Variants in SORL1 observed in about 807,000 individuals in gnomAD.
SORL1 encodes sortilin related receptor 1.
Under a neutral mutation model 273.7 loss-of-function variants are expected in SORL1, and 127 were observed. That is an observed-to-expected ratio of 0.46 (90% CI 0.40 to 0.54). SORL1 has a LOEUF of 0.54. SORL1 is among the 20% of genes least tolerant of loss of function. The pLI is 0.00. For missense variants in SORL1, 2,494 were observed against 2,846.1 expected, an observed-to-expected ratio of 0.88 and a Z score of 2.81; for synonymous variants, 1,031 against 1,067.4, an observed-to-expected ratio of 0.97 and a Z score of 0.66.
Position 121,520,765 on chromosome 11 carries a change from G to A in SORL1, c.1320G>A (p.Ser440=), listed in dbSNP as rs533109160. The A allele has an allele frequency of 3.2e-5, 51 of 1,612,840 alleles. No individual in the cohort carries two copies. The East Asian group carries it at 8.0e-4, about 25-fold the overall frequency. ...CTATGAATGAGGAGAACATGAGATC[G>A]GTCATCACCTTTGACAAAGGGGGAA... The part of the protein sequence containing the change: ...NGSMNEENMR[S]VITFDKGGTW... The change falls in exon 9 of 48, where the codon TCG becomes TCA. Residue 440 remains serine (S), a synonymous_variant. Coordinates refer to ENST00000260197, the MANE Select transcript of SORL1 (RefSeq NM_003105.6).
rs144585461 is a variant in SORL1 at position 121,520,691 on chromosome 11, C to G, written c.1246C>G (p.Arg416Gly). 5 of 1,585,814 alleles carry G rather than the reference C, an allele frequency of 3.2e-6. No homozygotes were observed. The highest frequency in any genetic ancestry group is 1.8e-5 in the Admixed American group (1 of 54,528). ...FANEPFADFH[R>G]VEGLQGVYIA... ...AAATGAACCATTTGCTGACTTCCACCGAGTGGAAGGATTGCAAGGAGTCTA... is the reference window on the plus strand; with the variant it reads ...AAATGAACCATTTGCTGACTTCCACGGAGTGGAAGGATTGCAAGGAGTCTA... Residue 416 changes from arginine (R) to glycine (G), a missense_variant, in exon 9 of 48, where the codon CGA (arginine) becomes GGA (glycine). This residue lies in a region of SORL1 where 710 missense variants were observed against 882.5 expected (regional missense o/e 0.80). Coordinates refer to ENST00000260197, the MANE Select transcript of SORL1 (RefSeq NM_003105.6).
At chr11:121,511,982 A>AG (rs1294008843) in intron 6 of SORL1, among the ~76,000 whole-genome samples, 1 of 152,198 alleles carries the variant, frequency 6.6e-6, no homozygotes, top group African/African-American at 2.4e-5. Context: ...TGTCCACATG[A>AG]GGGTATGCCT....
intron 2 of SORL1, among the ~76,000 whole-genome samples, chr11:121,475,369 A>T (rs1282948683): frequency 6.6e-6 from 1 of 152,232 alleles, no homozygotes; most frequent in Non-Finnish European, 1.5e-5. Flanking sequence ...TGAGTGGTTC[A>T]TGATGGCCTT....
At position 121,557,481 on chromosome 11, in the gene SORL1, C is replaced by T. The variant is rs560302951; in HGVS notation, c.2663+76C>T. 2.1e-4 allele frequency: 240 copies of T among 1,124,038 alleles called. 5 individuals carry two copies. In the South Asian group the frequency reaches 2.8e-3, roughly 13 times the overall value. 69.6% of individuals were successfully genotyped at this position (1,124,038 alleles called of 1,614,324 possible). On this transcript the variant is annotated intron_variant, in intron 19 of 47. Transcript: ENST00000260197. ...TAGATTCTCATGGAAACACAGACTG[C>T]GGGACAAAAACTCTGTTTCTCATGA...
chr11:121,590,512 A>G, intron 30 of SORL1: 1 of 513,470 alleles, frequency 1.9e-6, no homozygotes, highest in Non-Finnish European at 3.5e-6. Flanking sequence ...CAGAGTCAGA[A>G]TCTGCATGCT....
intron 20 of SORL1, among the ~76,000 whole-genome samples, 184 bp from the exon 21 acceptor site, chr11:121,559,335 G>T (rs1335520338): frequency 6.6e-6 from 1 of 152,186 alleles, no homozygotes; most frequent in Admixed American, 6.5e-5. Flanking sequence ...AGTTTCTTCT[G>T]TGGGGTTATA....
At chr11:121,470,698 G>T (rs1414199657) in intron 2 of SORL1, among the ~76,000 whole-genome samples, 3 of 151,000 alleles carry the variant, frequency 2.0e-5, no homozygotes, top group African/African-American at 7.3e-5. Context: ...TTTTTGAGTT[G>T]GGGTCTGGCT....
In SORL1 at chr11:121,559,666, G is replaced by C; in HGVS notation, c.3049+9G>C. 6.2e-7 allele frequency: 1 copy of C among 1,613,524 alleles called. No homozygotes were observed. Among genetic ancestry groups the C allele is most frequent in the Non-Finnish European group, 8.5e-7 (1 of 1,179,718 alleles). On this transcript the variant is annotated intron_variant, in intron 21 of 47. Coordinates refer to ENST00000260197, the MANE Select transcript of SORL1 (RefSeq NM_003105.6). ...CAAGGGGAAGAACACTGGTAAGCCA[G>C]AGTCTCTTCTTTTGTCTCTGTAGAG...
intron 38 of SORL1, chr11:121,610,577 A>G (rs1362479539): frequency 6.4e-6 from 1 of 155,190 alleles, no homozygotes; most frequent in Admixed American, 6.3e-5. Flanking sequence ...TAACTTGCCT[A>G]GGTTACACAG....
intron 6 of SORL1, among the ~76,000 whole-genome samples, chr11:121,506,640 A>G (rs762001401): frequency 1.3e-5 from 2 of 152,332 alleles, no homozygotes; most frequent in East Asian, 1.9e-4. Context: ...GACACAGCCA[A>G]ACCATATCAC....
Position 121,550,288 on chromosome 11 carries a change from T to C in SORL1, c.2180+200T>C, listed in dbSNP as rs1375777791. Among the ~76,000 whole-genome samples the C allele has an allele frequency of 2.6e-5, 4 of 152,208 alleles. No homozygotes were observed. Among genetic ancestry groups the C allele is most frequent in the Non-Finnish European group, 1.5e-5 (1 of 68,038 alleles). ...CACATTGCAAGTCTGTAAGCATCCCTGAAACTCTAGGAATATCTTAAGTCA... is the reference window on the plus strand; with the variant it reads ...CACATTGCAAGTCTGTAAGCATCCCCGAAACTCTAGGAATATCTTAAGTCA... On this transcript the variant is annotated intron_variant, in intron 15 of 47. Coordinates refer to ENST00000260197, the MANE Select transcript of SORL1 (RefSeq NM_003105.6). This position sits in a 1 kb window ranked among gnomAD's most constrained non-coding sequence, Gnocchi z 5.3.
chr11:121,543,000 AC>A (rs1429119428), intron 12 of SORL1, among the ~76,000 whole-genome samples: 2 of 147,042 alleles, frequency 1.4e-5, no homozygotes, highest in Non-Finnish European at 3.0e-5. Context: ...ACATGGTGAA[AC>A]CCCGTCTTTA....
At chr11:121,613,214 G>GA (rs1359621830) in intron 40 of SORL1, among the ~76,000 whole-genome samples, 2 of 152,228 alleles carry the variant, frequency 1.3e-5, no homozygotes, top group African/African-American at 2.4e-5. Context: ...TTGCTAATGA[G>GA]AGACAGCAGA....
chr11:121,501,591 CGGA>C (rs1565316763), intron 6 of SORL1, among the ~76,000 whole-genome samples: 7 of 152,130 alleles, frequency 4.6e-5, no homozygotes, highest in African/African-American at 1.7e-4. Flanking sequence ...ACAATCAAGG[CGGA>C]AGGTGAAGGA....
chr11:121,492,549 A>G lies in SORL1; in HGVS notation c.758+2439A>G, dbSNP rs138360566. ...TATTTGTCTTTCTCCCTTCAATAGA[A>G]TGAAAGCTTCCCAAGGGCAAGGACT... On this transcript the variant is annotated intron_variant, in intron 5 of 47. Transcript: ENST00000260197. Among the ~76,000 whole-genome samples the G allele has an allele frequency of 2.8e-3, 432 of 152,272 alleles. 1 individual carries two copies. The highest frequency in any genetic ancestry group is 9.9e-3 in the African/African-American group (413 of 41,546).
Position 121,632,626 on chromosome 11 carries a change from A to G in SORL1, c.*3063A>G, listed in dbSNP as rs1254396426. 6.6e-6 allele frequency: 1 copy of G among 151,096 alleles called. No individual in the cohort carries two copies. 9.4% of individuals were successfully genotyped at this position (151,096 alleles called of 1,614,324 possible). On this transcript the variant is annotated 3_prime_UTR_variant, in exon 48 of 48. Transcript: ENST00000260197. ...TGAAGCTGTACTCAGCAATTTAGGGAATGTAACCCTTCTCAGAACTGGCCA... is the reference window on the plus strand; with the variant it reads ...TGAAGCTGTACTCAGCAATTTAGGGGATGTAACCCTTCTCAGAACTGGCCA...
intron 26 of SORL1, among the ~76,000 whole-genome samples, chr11:121,585,414 TG>T (rs956454326): frequency 1.3e-5 from 2 of 149,196 alleles, no homozygotes; most frequent in African/African-American, 5.0e-5. Context: ...GCACGGGAGG[TG>T]GAGGCTGCAG....
intron 31 of SORL1, among the ~76,000 whole-genome samples, chr11:121,594,472 C>T (rs1376438586): frequency 6.6e-6 from 1 of 151,144 alleles, no homozygotes; most frequent in East Asian, 1.9e-4. Context: ...GAGATTTACT[C>T]AACTTTATAT....
rs765759259 is a variant in SORL1 at position 121,470,151 on chromosome 11, C to A, written c.402+28C>A. On this transcript the variant is annotated intron_variant, in intron 2 of 47. Coordinates refer to ENST00000260197, the MANE Select transcript of SORL1 (RefSeq NM_003105.6). ...AAGTGTTGTGTTGGCTCTGGGCACA[C>A]CTTGGTGCCATCAACATGCCCTTTT... 6 of 1,457,834 alleles carry A rather than the reference C, an allele frequency of 4.1e-6. No individual in the cohort carries two copies. The East Asian group carries it at 1.4e-4, about 33-fold the overall frequency. The allele number at this position is 1,457,834 out of a possible 1,614,324, so 90.3% of individuals were successfully genotyped here.
Sources: allele counts gnomAD v4.1 joint callset (sites outside exome capture counted in the v4.1 genomes callset), GRCh38; gene constraint gnomAD v4.1.1; regional missense constraint gnomAD v4.1.1; non-coding constraint Gnocchi (gnomAD v3.1); transcripts MANE v1.5; gene names NCBI Gene and HGNC (gene_info 2026-07-23, HGNC 2026-07-21).